RPS6KA2: variants seen among roughly 807,000 people sequenced by gnomAD.
RPS6KA2 encodes ribosomal protein S6 kinase A2.
In RPS6KA2, 42 loss-of-function variants were observed where a neutral mutation model predicts 91.8. The observed-to-expected ratio is 0.46, with a 90% CI of 0.36 to 0.59. RPS6KA2 has a LOEUF of 0.59. Among genes scored for constraint, RPS6KA2 ranks in the 20% least tolerant of loss-of-function variants. RPS6KA2 has a pLI of 0.00. For synonymous variants in RPS6KA2, 414 were observed against 393.6 expected (o/e 1.05, Z -0.61); for missense variants, 798 against 978.5 (o/e 0.82, Z 2.46).
At chr6:166,789,180 G>A (rs1279020707) in intron 2 of RPS6KA2, among the ~76,000 whole-genome samples, 3 of 152,292 alleles carry the variant, frequency 2.0e-5, no homozygotes, top group Non-Finnish European at 2.9e-5. Flanking sequence ...CTTTTCCCAC[G>A]GCCTTAAAAA....
chr6:166,662,851 C>T lies in RPS6KA2; in HGVS notation c.124-124067G>A, dbSNP rs939393928. 8.5e-5 allele frequency among the ~76,000 whole-genome samples: 13 copies of T among 152,106 alleles called. No individual in the cohort carries two copies. ...ATTAAATGAGGCCTCGGAGTGGGTG[C>T]TTATCCGCTCTGACTGCTGTCCTTA... On this transcript the variant is annotated intron_variant, in intron 2 of 21. Coordinates refer to the RPS6KA2 transcript ENST00000503859. The surrounding 1 kb of genome is among the most constrained non-coding windows in gnomAD (Gnocchi z 4.3).
rs771785399 is a variant in RPS6KA2 at position 166,445,840 on chromosome 6, G to A, written c.1332+2884C>T. Among the ~76,000 whole-genome samples, 2 of 152,142 alleles carry A rather than the reference G, an allele frequency of 1.3e-5. No homozygotes were observed. Among genetic ancestry groups the A allele is most frequent in the African/African-American group, 2.4e-5 (1 of 41,432 alleles). ...AGCGGCAACTGGGAGTGGTAAAGCC[G>A]GATTCTAGTGACAATCTCGGCTGGA... On this transcript the variant is annotated intron_variant, in intron 14 of 20. Coordinates refer to ENST00000265678, the MANE Select transcript of RPS6KA2 (RefSeq NM_021135.6). This position sits in a 1 kb window ranked among gnomAD's most constrained non-coding sequence, Gnocchi z 4.5.
At position 166,525,897 on chromosome 6, in the gene RPS6KA2, G is replaced by A. The variant is rs928366916; in HGVS notation, c.298+5335C>T. Reference sequence around the variant, plus strand: ...GGTTAGGAGATACTTGAACAACTTGGGCTAATGGAACGCAGAGGTGTTAGA... The same window carrying A: ...GGTTAGGAGATACTTGAACAACTTGAGCTAATGGAACGCAGAGGTGTTAGA... On this transcript the variant is annotated intron_variant, in intron 3 of 20. Coordinates refer to ENST00000265678, the MANE Select transcript of RPS6KA2 (RefSeq NM_021135.6). Among the ~76,000 whole-genome samples the A allele has an allele frequency of 2.0e-5, 3 of 152,110 alleles. No homozygotes were observed. In the South Asian group the frequency reaches 6.2e-4, roughly 32 times the overall value.
chr6:166,565,688 T>A (rs3778398), intron 1 of RPS6KA2, among the ~76,000 whole-genome samples: 1 of 152,128 alleles, frequency 6.6e-6, no homozygotes, highest in Admixed American at 6.5e-5. Flanking sequence ...AGCTAGCTGT[T>A]GGGCCAGTGG....
intron 1 of RPS6KA2, among the ~76,000 whole-genome samples, chr6:166,607,601 G>A (rs111708088): frequency 0.011 from 1,717 of 152,238 alleles, 34 homozygotes; most frequent in African/African-American, 0.039. Context: ...AGTGGATGTA[G>A]GGCTGCAGGG....
chr6:166,644,158 C>T (rs1787532997), intron 2 of RPS6KA2, among the ~76,000 whole-genome samples: 1 of 152,148 alleles, frequency 6.6e-6, no homozygotes, highest in African/African-American at 2.4e-5. Context: ...CTTTTTAAGC[C>T]AGTAATTAGC....
intron 1 of RPS6KA2, among the ~76,000 whole-genome samples, chr6:166,542,052 T>TA (rs1783674451): frequency 6.6e-6 from 1 of 152,150 alleles, no homozygotes; most frequent in South Asian, 2.1e-4. Context: ...GGAGGATGCT[T>TA]AACTTTCTTT....
rs1562437178 is a variant in RPS6KA2, at chr6:166,783,814, GTAACCACATATGCACA to G, written c.123+74370_123+74385del. Among the ~76,000 whole-genome samples the G allele has an allele frequency of 1.7e-3, 189 of 110,442 alleles. 16 individuals are homozygous for G. The highest frequency in any genetic ancestry group is 5.7e-3 in the Middle Eastern group (1 of 176). The allele number at this position is 110,442 out of a possible 152,430, so 72.5% of individuals were successfully genotyped here. ...CATATATACACGTGCACAGTTACCT[GTAACCACATATGCACA>G]CGTGCACACCTATCTATACCACATA... On this transcript the variant is annotated intron_variant, in intron 2 of 21. Transcript: ENST00000503859.
chr6:166,575,310 G>A (rs967156637), intron 1 of RPS6KA2, among the ~76,000 whole-genome samples: 2 of 152,178 alleles, frequency 1.3e-5, no homozygotes, highest in Non-Finnish European at 2.9e-5. Context: ...CAGGGAGTAC[G>A]GGGGAGCGCT....
At position 166,726,129 on chromosome 6, in the gene RPS6KA2, A is replaced by AT. The variant is rs3071135; in HGVS notation, c.123+132070dup. On this transcript the variant is annotated intron_variant, in intron 2 of 21. Coordinates refer to the RPS6KA2 transcript ENST00000503859. This position sits in a 1 kb window ranked among gnomAD's most constrained non-coding sequence, Gnocchi z 4.4. Reference sequence around the variant, plus strand: ...ATGCCCTTAGGCTACAATATAGAAGATTTTTTTTTTTTTTTAGTTTAAAAT... The same window carrying AT: ...ATGCCCTTAGGCTACAATATAGAAGATTTTTTTTTTTTTTTTAGTTTAAAAT... Among the ~76,000 whole-genome samples the AT allele has an allele frequency of 6.6e-4, 98 of 148,208 alleles. No homozygotes were observed. Among genetic ancestry groups the AT allele is most frequent in the Middle Eastern group, 3.5e-3 (1 of 286 alleles).
Position 166,626,242 on chromosome 6 carries a change from A to G in RPS6KA2, c.99+679T>C, listed in dbSNP as rs1031862510. ...AGAGAACCGTCCACAAGGAAACTCT[A>G]AGATGCCAAGATGCGGGACAGGTAG... On this transcript the variant is annotated intron_variant, in intron 1 of 20. Coordinates refer to ENST00000265678, the MANE Select transcript of RPS6KA2 (RefSeq NM_021135.6). The surrounding 1 kb of genome is among the most constrained non-coding windows in gnomAD (Gnocchi z 4.1). 6.6e-6 allele frequency among the ~76,000 whole-genome samples: 1 copy of G among 152,264 alleles called. No individual in the cohort carries two copies. Among genetic ancestry groups the G allele is most frequent in the Admixed American group, 6.5e-5 (1 of 15,288 alleles).
Position 166,825,491 on chromosome 6 carries a change from T to C in RPS6KA2, c.123+32709A>G, listed in dbSNP as rs945414221. Among the ~76,000 whole-genome samples, 3 of 151,982 alleles carry C rather than the reference T, an allele frequency of 2.0e-5. No individual in the cohort carries two copies. The highest frequency in any genetic ancestry group is 2.0e-4 in the Admixed American group (3 of 15,280). On this transcript the variant is annotated intron_variant, in intron 2 of 21. Transcript: ENST00000503859. This position sits in a 1 kb window ranked among gnomAD's most constrained non-coding sequence, Gnocchi z 4.1. ...TGACCCAGATCCTGGCAAATCATTA[T>C]AGTCCCTTCAGGGTGCTACTTAGCT... is the stretch of plus-strand genomic sequence containing the variant.
chr6:166,561,457 T>C (rs1356580373), intron 1 of RPS6KA2, among the ~76,000 whole-genome samples: 1 of 151,966 alleles, frequency 6.6e-6, no homozygotes, highest in South Asian at 2.1e-4. Context: ...CTGTTGAGCA[T>C]GGTTCATCGT....
intron 10 of RPS6KA2, among the ~76,000 whole-genome samples, chr6:166,478,359 G>A (rs1351861452): frequency 6.6e-6 from 1 of 152,194 alleles, no homozygotes; most frequent in Admixed American, 6.5e-5. Context: ...TCAGCCACCG[G>A]CAAGGTTCCT....
chr6:166,661,595 T>C (rs1310968836), intron 2 of RPS6KA2, among the ~76,000 whole-genome samples: 2 of 152,134 alleles, frequency 1.3e-5, no homozygotes, highest in African/African-American at 4.8e-5. Flanking sequence ...CTTTTTATCA[T>C]AGTCTCCCTA....
chr6:166,775,451 T>G lies in RPS6KA2; in HGVS notation c.123+82749A>C, dbSNP rs547277716. On this transcript the variant is annotated intron_variant, in intron 2 of 21. Coordinates refer to the RPS6KA2 transcript ENST00000503859. Reference sequence around the variant, plus strand: ...AATCCTGGAAACTTGTTACATTTTGTTATAACAAACAAAATATAGGCCTTG... The same window carrying G: ...AATCCTGGAAACTTGTTACATTTTGGTATAACAAACAAAATATAGGCCTTG... 4.6e-5 allele frequency among the ~76,000 whole-genome samples: 7 copies of G among 152,342 alleles called. No individual in the cohort carries two copies. The South Asian group carries it at 1.4e-3, about 32-fold the overall frequency.
chr6:166,757,698 C>T, intron 2 of RPS6KA2: 1 of 426,850 alleles, frequency 2.3e-6, no homozygotes, highest in Non-Finnish European at 4.7e-6. Flanking sequence ...ACCAGGCAGC[C>T]ACCCCGCACA....
chr6:166,720,665 AT>A (rs1331307836), intron 2 of RPS6KA2, among the ~76,000 whole-genome samples: 2 of 152,256 alleles, frequency 1.3e-5, no homozygotes, highest in Non-Finnish European at 2.9e-5. Context: ...ATAAAGGGAA[AT>A]ACTTGGTCAT....
chr6:166,774,427 G>A (rs481853), intron 2 of RPS6KA2, among the ~76,000 whole-genome samples: 8,988 of 152,144 alleles, frequency 0.059, 665 homozygotes, highest in East Asian at 0.17. Flanking sequence ...TGGTGCAGCC[G>A]TCTTTACCCA....
Sources: gnomAD v4.1 joint callset for allele counts (sites outside exome capture counted in the v4.1 genomes callset) on GRCh38, gnomAD v4.1.1 for gene constraint, Gnocchi (gnomAD v3.1) non-coding constraint, MANE v1.5 for transcripts, NCBI Gene and HGNC (gene_info 2026-07-23, HGNC 2026-07-21) for gene names.